Variants in RASGEF1C observed in about 807,000 individuals in gnomAD.
The protein encoded by RASGEF1C is RasGEF domain family member 1C, also known as ras-GEF domain-containing family member 1C.
Under a neutral mutation model 58.1 loss-of-function variants are expected in RASGEF1C, and 27 were observed. That is an observed-to-expected ratio of 0.46 (90% CI 0.34 to 0.64). RASGEF1C has a LOEUF of 0.64. Ranked by LOEUF, RASGEF1C falls within the 30% of genes least tolerant of loss-of-function variation. The pLI, the probability that RASGEF1C is intolerant of heterozygous loss-of-function variation, is 0.01. For synonymous variants in RASGEF1C, 243 were observed against 246.3 expected, an observed-to-expected ratio of 0.99 and a Z score of 0.13; for missense variants, 502 against 605.1, an observed-to-expected ratio of 0.83 and a Z score of 1.79.
chr5:180,147,532 C>T (rs1766676005), intron 1 of RASGEF1C, among the ~76,000 whole-genome samples: 1 of 151,970 alleles, frequency 6.6e-6, no homozygotes, highest in Non-Finnish European at 1.5e-5. Flanking sequence ...TTTCGAATTT[C>T]CCTTGGGACT....
rs568508846 is a variant in RASGEF1C at position 180,131,103 on chromosome 5, CCTT to C, written c.439-2496_439-2494del. ...CACTGTCATCTCTCTGCTGCACTGG[CCTT>C]CTTAATGCCCCCAATGCATCCACGC... is the stretch of plus-strand genomic sequence containing the variant. On this transcript the variant is annotated intron_variant, in intron 4 of 13. Coordinates refer to ENST00000361132, the MANE Select transcript of RASGEF1C (RefSeq NM_175062.4). 3.2e-4 allele frequency among the ~76,000 whole-genome samples: 48 copies of C among 152,320 alleles called. No individual in the cohort carries two copies. The South Asian group carries it at 8.3e-3, about 26-fold the overall frequency.
At chr5:180,196,381 A>G (rs1158692388) in intron 1 of RASGEF1C, among the ~76,000 whole-genome samples, 1 of 152,004 alleles carries the variant, frequency 6.6e-6, no homozygotes, top group African/African-American at 2.4e-5. Context: ...GAAGACTGTA[A>G]TACCAGCTAC....
At position 180,143,363 on chromosome 5, in the gene RASGEF1C, C is replaced by T. The variant is rs987931290; in HGVS notation, c.-6-5305G>A. On this transcript the variant is annotated intron_variant, in intron 1 of 13. Coordinates refer to ENST00000361132, the MANE Select transcript of RASGEF1C (RefSeq NM_175062.4). The surrounding 1 kb of genome is among the most constrained non-coding windows in gnomAD (Gnocchi z 4.3). ...GGGAGACGGGAAATGTGTGCAGGGA[C>T]AGGGGCACCATGTGGTGCGTTTATA... Among the ~76,000 whole-genome samples the T allele has an allele frequency of 1.3e-5, 2 of 152,206 alleles. No individual in the cohort carries two copies. The highest frequency in any genetic ancestry group is 4.8e-5 in the African/African-American group (2 of 41,452).
chr5:180,114,601 C>CG (rs1036297834), intron 10 of RASGEF1C, 60 bp from the exon 11 acceptor site: 6 of 1,513,450 alleles, frequency 4.0e-6, no homozygotes, highest in African/African-American at 2.7e-5. Context: ...GGCTCCAGGA[C>CG]GGGGGGCAGC....
chr5:180,203,876 C>T (rs1756442983), intron 1 of RASGEF1C, among the ~76,000 whole-genome samples: 1 of 152,072 alleles, frequency 6.6e-6, no homozygotes, highest in Admixed American at 6.5e-5. Flanking sequence ...GCCTGTAATC[C>T]CAGCCACTTG....
At chr5:180,145,336 G>T (rs942362684) in intron 1 of RASGEF1C, among the ~76,000 whole-genome samples, 1 of 152,104 alleles carries the variant, frequency 6.6e-6, no homozygotes, top group Non-Finnish European at 1.5e-5. Flanking sequence ...GGCCAGGCTG[G>T]TCTTAAACTC....
intron 7 of RASGEF1C, among the ~76,000 whole-genome samples, chr5:180,119,848 C>T (rs1766137379): frequency 1.3e-5 from 2 of 152,212 alleles, no homozygotes; most frequent in South Asian, 4.1e-4. Flanking sequence ...GGCCCTGAGG[C>T]CTGTCCCTCG....
chr5:180,107,083 C>T (rs1239345141), intron 12 of RASGEF1C, among the ~76,000 whole-genome samples: 1 of 152,128 alleles, frequency 6.6e-6, no homozygotes, highest in Non-Finnish European at 1.5e-5. Flanking sequence ...TATTGCTACT[C>T]TTGCTTTCCT....
At chr5:180,115,951 C>T (rs1441390039) in intron 10 of RASGEF1C, among the ~76,000 whole-genome samples, 9 of 152,080 alleles carry the variant, frequency 5.9e-5, no homozygotes, top group East Asian at 5.8e-4. Flanking sequence ...TCTGGACAGC[C>T]GAACTGTGTT....
intron 1 of RASGEF1C, among the ~76,000 whole-genome samples, chr5:180,190,686 A>AATG (rs2127562746): frequency 6.6e-6 from 1 of 151,706 alleles, no homozygotes; most frequent in East Asian, 1.9e-4. Flanking sequence ...TAATAATAAT[A>AATG]AAAATTTTAA....
chr5:180,125,556 G>T (rs1766241445), intron 6 of RASGEF1C, among the ~76,000 whole-genome samples: 1 of 152,230 alleles, frequency 6.6e-6, no homozygotes, highest in African/African-American at 2.4e-5. Context: ...TCCAAGGCGG[G>T]TGGATCACCT....
chr5:180,118,611 T>C lies in RASGEF1C; in HGVS notation c.1081A>G (p.Lys361Glu), dbSNP rs772040968. Reference protein sequence around the residue: ...RSLTAHSSREKIVIPFFSLLI... With the variant: ...RSLTAHSSREEIVIPFFSLLI... ...GGGCCAACGTGGCCCCGACCTACCT[T>C]CTCTCGGCTGCTGTGGGCCGTCAGG... is the stretch of plus-strand genomic sequence containing the variant. Residue 361 changes from lysine (K) to glutamate (E), a missense_variant and splice_region_variant, in exon 10 of 14, where the codon AAG becomes GAG. Physicochemically the swap from Lys to Glu is moderately conservative, Grantham distance 56. Transcript: ENST00000361132. 3.1e-6 allele frequency: 5 copies of C among 1,608,718 alleles called. No homozygotes were observed. The highest frequency in any genetic ancestry group is 4.2e-6 in the Non-Finnish European group (5 of 1,177,350).
intron 1 of RASGEF1C, among the ~76,000 whole-genome samples, chr5:180,183,880 A>G (rs1755966850): frequency 6.6e-6 from 1 of 152,130 alleles, no homozygotes; most frequent in Admixed American, 6.6e-5. Context: ...GATCAAATAA[A>G]TAAACAGCCG....
intron 1 of RASGEF1C, among the ~76,000 whole-genome samples, chr5:180,140,435 A>G (rs897571447): frequency 6.6e-6 from 1 of 152,216 alleles, no homozygotes; most frequent in African/African-American, 2.4e-5. Flanking sequence ...GCCCGACCTC[A>G]GGGAGCTGGT....
At chr5:180,208,178 C>T (rs1355669011) in intron 1 of RASGEF1C, among the ~76,000 whole-genome samples, 1 of 152,130 alleles carries the variant, frequency 6.6e-6, no homozygotes, top group Non-Finnish European at 1.5e-5. Flanking sequence ...TCCCGCCCCT[C>T]TCTAAACCTC....
At chr5:180,129,774 G>C (rs923749873) in intron 4 of RASGEF1C, among the ~76,000 whole-genome samples, 2 of 152,198 alleles carry the variant, frequency 1.3e-5, no homozygotes, top group South Asian at 4.1e-4. Flanking sequence ...TGCCCAGGCC[G>C]GCTCCTGGCT....
chr5:180,191,924 G>A (rs79312982), intron 1 of RASGEF1C, among the ~76,000 whole-genome samples: 5,074 of 152,220 alleles, frequency 0.033, 124 homozygotes, highest in South Asian at 0.086. Flanking sequence ...CCTCTTCCAC[G>A]CTCACTGGTT....
chr5:180,172,258 C>A (rs899853991), intron 1 of RASGEF1C, among the ~76,000 whole-genome samples: 1 of 152,140 alleles, frequency 6.6e-6, no homozygotes, highest in South Asian at 2.1e-4. Flanking sequence ...CCCCAGCATG[C>A]CCAGATGGCT....
At chr5:180,113,838 C>A (rs936480611) in intron 11 of RASGEF1C, among the ~76,000 whole-genome samples, 1 of 151,816 alleles carries the variant, frequency 6.6e-6, no homozygotes, top group Admixed American at 6.6e-5. Flanking sequence ...ATGGAGGGAC[C>A]GAGGATGGAT....
Sources: allele counts gnomAD v4.1 joint callset (sites outside exome capture counted in the v4.1 genomes callset), GRCh38; gene constraint gnomAD v4.1.1; non-coding constraint Gnocchi (gnomAD v3.1); transcripts MANE v1.5; gene names NCBI Gene and HGNC (gene_info 2026-07-23, HGNC 2026-07-21).